The following GPHN variants were observed in gnomAD, a reference collection of about 807,000 sequenced individuals.
GPHN encodes gephyrin.
A neutral mutation model predicts 95.5 loss-of-function variants in GPHN; 17 were observed. That is an observed-to-expected ratio of 0.18 (90% CI 0.12 to 0.27). The LOEUF is 0.27. Ranked by LOEUF, GPHN falls within the 10% of genes least tolerant of loss-of-function variation. GPHN has a pLI of 1.00. For synonymous variants in GPHN, 320 were observed against 322.5 expected (o/e 0.99, Z 0.08); for missense variants, 660 against 978.1 (o/e 0.67, Z 4.34).
At chr14:66,899,132 T>G (rs1295406600) in intron 5 of GPHN, among the ~76,000 whole-genome samples, 5 of 151,588 alleles carry the variant, frequency 3.3e-5, no homozygotes, top group Non-Finnish European at 5.9e-5. Flanking sequence ...CTTTTTTTTT[T>G]TTTTGTTTTT....
chr14:67,019,952 A>T (rs1043509421), intron 9 of GPHN, among the ~76,000 whole-genome samples: 1 of 152,172 alleles, frequency 6.6e-6, no homozygotes, highest in South Asian at 2.1e-4. Context: ...TTGGCACTAC[A>T]TTCTTTCCCT....
At chr14:67,512,298 A>G in the GPHN span, among the ~76,000 whole-genome samples, 2 of 152,170 alleles carry the variant, frequency 1.3e-5, no homozygotes, top group East Asian at 3.8e-4. Context: ...CTTTTCAAAT[A>G]CAAAGCCTGA....
the GPHN span, among the ~76,000 whole-genome samples, chr14:67,557,026 T>C: frequency 1.3e-5 from 2 of 152,322 alleles, no homozygotes; most frequent in South Asian, 4.1e-4. Flanking sequence ...TCTGCCCTCC[T>C]CTTACCTATC....
chr14:67,329,633 T>C, the GPHN span, among the ~76,000 whole-genome samples: 2 of 152,052 alleles, frequency 1.3e-5, no homozygotes, highest in Non-Finnish European at 2.9e-5. Flanking sequence ...ATAGCTCTTA[T>C]TATTTTGAGA....
chr14:67,131,549 T>C (rs1476298130), intron 17 of GPHN, among the ~76,000 whole-genome samples: 1 of 152,188 alleles, frequency 6.6e-6, no homozygotes, highest in Non-Finnish European at 1.5e-5. Flanking sequence ...CCAGAAAGTA[T>C]GGTACTGACA....
intron 17 of GPHN, among the ~76,000 whole-genome samples, chr14:67,137,572 T>TG (rs1280228238): frequency 6.6e-6 from 1 of 152,116 alleles, no homozygotes; most frequent in Non-Finnish European, 1.5e-5. Flanking sequence ...AAGACTAGCC[T>TG]GGGCAACATG....
the GPHN span, among the ~76,000 whole-genome samples, chr14:67,424,707 G>A: frequency 6.6e-6 from 1 of 151,386 alleles, no homozygotes; most frequent in Non-Finnish European, 1.5e-5. Flanking sequence ...CTTGGGTCAT[G>A]ACCTGTCTGA....
the GPHN span, chr14:67,343,493 G>C: frequency 5.7e-6 from 7 of 1,236,020 alleles, no homozygotes; most frequent in East Asian, 1.6e-4. Context: ...ATCATTCCCT[G>C]ATCACTTGAC....
At chr14:67,161,239 G>C (rs1031107029) in intron 19 of GPHN, among the ~76,000 whole-genome samples, 2 of 152,120 alleles carry the variant, frequency 1.3e-5, no homozygotes, top group African/African-American at 4.8e-5. Flanking sequence ...GTTACAGTGA[G>C]CCGAGATCAT....
chr14:67,289,943 T>A, the GPHN span, among the ~76,000 whole-genome samples: 13 of 151,880 alleles, frequency 8.6e-5, no homozygotes, highest in African/African-American at 2.9e-4. Flanking sequence ...GCTAATTTTT[T>A]AAATATTTTT....
At chr14:67,689,191 C>T in the GPHN span, among the ~76,000 whole-genome samples, 7 of 152,230 alleles carry the variant, frequency 4.6e-5, no homozygotes, top group Non-Finnish European at 8.8e-5. Flanking sequence ...TGGGCACAGA[C>T]TGGGCATAAG....
chr14:66,540,261 C>A (rs1362284155), intron 1 of GPHN, among the ~76,000 whole-genome samples: 1 of 152,160 alleles, frequency 6.6e-6, no homozygotes, highest in Non-Finnish European at 1.5e-5. Flanking sequence ...GGCAGGAATA[C>A]ACAGTGGCTC....
At chr14:66,558,309 G>C (rs2060089418) in intron 1 of GPHN, among the ~76,000 whole-genome samples, 1 of 152,060 alleles carries the variant, frequency 6.6e-6, no homozygotes, top group Admixed American at 6.6e-5. Flanking sequence ...TAAATACCTT[G>C]TTATAACTGA....
intron 8 of GPHN, among the ~76,000 whole-genome samples, chr14:66,955,928 G>A (rs191984812): frequency 6.6e-6 from 1 of 152,174 alleles, no homozygotes; most frequent in African/African-American, 2.4e-5. Context: ...GTGTATATGT[G>A]CCACATTTTC....
At chr14:67,226,202 A>ATT in the GPHN span, among the ~76,000 whole-genome samples, 1 of 151,738 alleles carries the variant, frequency 6.6e-6, no homozygotes, top group Non-Finnish European at 1.5e-5. Flanking sequence ...TTTTATTTTT[A>ATT]TTTTTTTGAG....
the GPHN span, among the ~76,000 whole-genome samples, chr14:67,501,116 GCATGAGCTAACTTGGC>G: frequency 6.6e-6 from 1 of 151,072 alleles, no homozygotes; most frequent in Non-Finnish European, 1.5e-5. Context: ...CAGCTGCTCT[GCATGAGCTAACTTGGC>G]CTAGGGGCAA....
the GPHN span, among the ~76,000 whole-genome samples, chr14:67,242,274 A>T: frequency 2.6e-5 from 4 of 152,218 alleles, no homozygotes; most frequent in African/African-American, 9.6e-5. Context: ...TTGGCAGTTT[A>T]TGCTAAAATT....
chr14:66,585,572 G>A (rs892633138), intron 1 of GPHN, among the ~76,000 whole-genome samples: 1 of 152,120 alleles, frequency 6.6e-6, no homozygotes, highest in Admixed American at 6.5e-5. Flanking sequence ...GTGTCCCAGA[G>A]ATTCTGGTAT....
rs148644278 is a variant in GPHN at position 66,569,730 on chromosome 14, CATAT to C, written c.64+61149_64+61152del. Among the ~76,000 whole-genome samples, 3 of 150,448 alleles carry C rather than the reference CATAT, an allele frequency of 2.0e-5. 1 individual carries two copies. Among genetic ancestry groups the C allele is most frequent in the Non-Finnish European group, 4.4e-5 (3 of 67,598 alleles). ...TTATGGTATACAACATGTTTTGTTACATATATATATATAGTGGAATGTCTAAATG... is the reference window on the plus strand; with the variant it reads ...TTATGGTATACAACATGTTTTGTTACATATATATAGTGGAATGTCTAAATG... On this transcript the variant is annotated intron_variant, in intron 1 of 22. Coordinates refer to ENST00000478722, the MANE Select transcript of GPHN (RefSeq NM_020806.5).
Sources: allele counts gnomAD v4.1 joint callset (sites outside exome capture counted in the v4.1 genomes callset), GRCh38; gene constraint gnomAD v4.1.1; transcripts MANE v1.5; gene names NCBI Gene and HGNC (gene_info 2026-07-23, HGNC 2026-07-21).